ATF6: variants seen among roughly 807,000 people sequenced by gnomAD.
ATF6 encodes activating transcription factor 6.
Under a neutral mutation model 83.6 loss-of-function variants are expected in ATF6, and 53 were observed. The ratio of observed to expected loss-of-function variants is 0.63; its 90% CI spans 0.51 to 0.80. The LOEUF is 0.80. Among genes scored for constraint, ATF6 ranks in the 30% least tolerant of loss-of-function variants. The pLI is 0.00. For missense variants in ATF6, 744 were observed against 797.9 expected (o/e 0.93, Z 0.81); for synonymous variants, 288 against 285.8 (o/e 1.01, Z -0.08).
chr1:161,807,863 A>ATTTTT lies in ATF6; in HGVS notation c.909+5592_909+5593insTTTTT, dbSNP rs1557971141. On this transcript the variant is annotated intron_variant, in intron 7 of 15. Coordinates refer to ENST00000367942, the MANE Select transcript of ATF6 (RefSeq NM_007348.4). ...TACTTTTTGTACTTTTTAGTTTGTC[A>ATTTTT]TCTTTTTTTTTTTTTTTTTTTTTTT... Among the ~76,000 whole-genome samples the ATTTTT allele has an allele frequency of 3.5e-3, 194 of 54,794 alleles. 12 individuals are homozygous for ATTTTT. The highest frequency in any genetic ancestry group is 0.015 in the African/African-American group (184 of 12,234). The allele number at this position is 54,794 out of a possible 152,430, so 35.9% of individuals were successfully genotyped here.
At chr1:161,808,038 C>T (rs552194143) in intron 7 of ATF6, among the ~76,000 whole-genome samples, 1 of 151,470 alleles carries the variant, frequency 6.6e-6, no homozygotes, top group African/African-American at 2.4e-5. Flanking sequence ...TGCCACCACA[C>T]CCAGCTAATT....
intron 9 of ATF6, among the ~76,000 whole-genome samples, chr1:161,824,362 AC>A (rs1279347281): frequency 2.7e-5 from 4 of 147,688 alleles, no homozygotes; most frequent in African/African-American, 9.8e-5. Context: ...TGATTAAAAA[AC>A]ATCAAGTTTT....
chr1:161,903,287 G>T (rs1025265516), intron 14 of ATF6, among the ~76,000 whole-genome samples: 1 of 152,096 alleles, frequency 6.6e-6, no homozygotes, highest in African/African-American at 2.4e-5. Context: ...TCCTTTTCCT[G>T]GTTGAATTGG....
Position 161,877,317 on chromosome 1 carries a change from G to C in ATF6, c.1719+14005G>C, listed in dbSNP as rs575794598. The stretch of plus-strand genomic sequence containing the variant: ...AGATAAATTAGCAAAATAATTGACA[G>C]ATATAGTAAGCATGATGAAAACACA... On this transcript the variant is annotated intron_variant, in intron 14 of 15. Transcript: ENST00000367942. 1.1e-4 allele frequency among the ~76,000 whole-genome samples: 16 copies of C among 152,218 alleles called. No individual in the cohort carries two copies. In the South Asian group the frequency reaches 3.3e-3, roughly 32 times the overall value.
At chr1:161,851,902 A>T in intron 11 of ATF6, 67 bp downstream of exon 11, 2 of 1,141,040 alleles carry the variant, frequency 1.8e-6, no homozygotes, top group Non-Finnish European at 2.6e-6. Flanking sequence ...GAACCTAGAC[A>T]AGTAATTGGT....
intron 15 of ATF6, among the ~76,000 whole-genome samples, chr1:161,943,244 G>A: frequency 6.6e-6 from 1 of 152,104 alleles, no homozygotes; most frequent in East Asian, 1.9e-4. Context: ...CCCCCATGCG[G>A]TTCTCATGAT....
chr1:161,790,080 T>C (rs60035080), intron 4 of ATF6, among the ~76,000 whole-genome samples: 14,730 of 152,266 alleles, frequency 0.097, 1,274 homozygotes, highest in East Asian at 0.31. Context: ...GTGAAATGGC[T>C]GTTCCTGCCT....
At chr1:161,801,466 AT>A (rs112356244) in intron 6 of ATF6, among the ~76,000 whole-genome samples, 3,457 of 147,244 alleles carry the variant, frequency 0.023, 122 homozygotes, top group African/African-American at 0.079. Flanking sequence ...TAATTTTTAA[AT>A]TTTTTTTTGT....
intron 15 of ATF6, among the ~76,000 whole-genome samples, chr1:161,927,339 A>G (rs1688338027): frequency 6.6e-6 from 1 of 151,998 alleles, no homozygotes; most frequent in Admixed American, 6.6e-5. Context: ...AATATAATGT[A>G]AAAAACATTT....
At chr1:161,935,297 A>G (rs373492152) in intron 15 of ATF6, among the ~76,000 whole-genome samples, 10 of 152,268 alleles carry the variant, frequency 6.6e-5, no homozygotes, top group Admixed American at 2.0e-4. Context: ...TGAAATCCCT[A>G]CCATACTGTG....
At chr1:161,815,600 A>G (rs1685594688) in intron 7 of ATF6, among the ~76,000 whole-genome samples, 1 of 152,080 alleles carries the variant, frequency 6.6e-6, no homozygotes, top group South Asian at 2.1e-4. Context: ...GACTATAATA[A>G]CTTACAGTGT....
intron 15 of ATF6, among the ~76,000 whole-genome samples, chr1:161,922,230 G>A (rs957838690): frequency 6.6e-6 from 1 of 152,174 alleles, no homozygotes; most frequent in Non-Finnish European, 1.5e-5. Flanking sequence ...TGGATTTTCA[G>A]TGTCTATCAG....
intron 7 of ATF6, among the ~76,000 whole-genome samples, chr1:161,809,441 C>T (rs1047229345): frequency 2.0e-5 from 3 of 152,134 alleles, no homozygotes; most frequent in South Asian, 2.1e-4. Flanking sequence ...TCCAGTCTGT[C>T]ATTCATGGAC....
At chr1:161,844,106 A>G (rs973755706) in intron 9 of ATF6, among the ~76,000 whole-genome samples, 6 of 152,210 alleles carry the variant, frequency 3.9e-5, no homozygotes, top group Non-Finnish European at 8.8e-5. Context: ...GCGATATTAG[A>G]CTGCATCAGT....
At chr1:161,794,544 G>A (rs191668913) in intron 6 of ATF6, among the ~76,000 whole-genome samples, 22 of 151,992 alleles carry the variant, frequency 1.4e-4, no homozygotes, top group Admixed American at 8.5e-4. Context: ...GAATTCTTGG[G>A]CTCAAGGGAT....
chr1:161,858,720 A>C (rs1179672756), intron 12 of ATF6, among the ~76,000 whole-genome samples: 1 of 152,184 alleles, frequency 6.6e-6, no homozygotes, highest in East Asian at 1.9e-4. Context: ...CATTTTTGTC[A>C]ATTATGATCT....
At chr1:161,909,556 TCCCCAACAAA>T (rs1314268035) in intron 14 of ATF6, among the ~76,000 whole-genome samples, 4 of 152,222 alleles carry the variant, frequency 2.6e-5, no homozygotes, top group Admixed American at 6.5e-5. Context: ...CAATTCAGTT[TCCCCAACAAA>T]ATAAAAACTT....
chr1:161,769,043 G>C (rs921074014), intron 1 of ATF6, among the ~76,000 whole-genome samples: 1 of 152,164 alleles, frequency 6.6e-6, no homozygotes, highest in Admixed American at 6.5e-5. Context: ...GAAATTTAGA[G>C]CAAGAGTCTT....
rs920378623 is a variant in ATF6, at chr1:161,848,110, G to GA, written c.1319+1541dup. Among the ~76,000 whole-genome samples, 137 of 140,034 alleles carry GA rather than the reference G, an allele frequency of 9.8e-4. No individual in the cohort carries two copies. The Middle Eastern group carries it at 0.011, about 11-fold the overall frequency. The allele number at this position is 140,034 out of a possible 152,430, so 91.9% of individuals were successfully genotyped here. ...AATAATCTGGGTTACTGGTCTTGGG[G>GA]AAAAAAAAAAACCAAAAAACAACCC... On this transcript the variant is annotated intron_variant, in intron 10 of 15. Coordinates refer to ENST00000367942, the MANE Select transcript of ATF6 (RefSeq NM_007348.4).
Sources: allele counts gnomAD v4.1 joint callset (sites outside exome capture counted in the v4.1 genomes callset), GRCh38; gene constraint gnomAD v4.1.1; transcripts MANE v1.5; gene names NCBI Gene and HGNC (gene_info 2026-07-23, HGNC 2026-07-21).